Variants in VSNL1 observed in about 807,000 individuals in gnomAD.
The protein encoded by VSNL1 is visinin like 1.
In VSNL1, 6 loss-of-function variants were observed where a neutral mutation model predicts 20.4. The ratio of observed to expected loss-of-function variants is 0.29; its 90% CI spans 0.16 to 0.58. The LOEUF (loss-of-function observed/expected upper bound fraction) is 0.58, where lower values mean the gene tolerates loss of function less well. Ranked by LOEUF, VSNL1 falls within the 20% of genes least tolerant of loss-of-function variation. The probability of loss-of-function intolerance (pLI) is 0.90; values close to 1 mark genes in which losing one functional copy is unlikely to be tolerated. For missense variants in VSNL1, 100 were observed against 234.5 expected (o/e 0.43, Z 3.75); for synonymous variants, 93 against 86.4 (o/e 1.08, Z -0.42).
intron 2 of VSNL1, among the ~76,000 whole-genome samples, chr2:17,648,362 G>A (rs1666043666): frequency 6.6e-6 from 1 of 152,244 alleles, no homozygotes; most frequent in Non-Finnish European, 1.5e-5. Flanking sequence ...CCTCGAGGTA[G>A]ATAGCCCAGA....
At position 17,585,869 on chromosome 2, in the gene VSNL1, G is replaced by A. The variant is rs148666853; in HGVS notation, c.-5-6201G>A. Among the ~76,000 whole-genome samples the A allele has an allele frequency of 2.2e-3, 336 of 150,606 alleles. 1 individual carries two copies. Among genetic ancestry groups the A allele is most frequent in the African/African-American group, 8.0e-3 (328 of 40,784 alleles). ...CACCCAGGCTGGAGTACAATGGTGC[G>A]ATCTTGGCTCACTGCAACCTTCTCC... On this transcript the variant is annotated intron_variant, in intron 1 of 3. Coordinates refer to ENST00000295156, the MANE Select transcript of VSNL1 (RefSeq NM_003385.5).
intron 1 of VSNL1, among the ~76,000 whole-genome samples, chr2:17,579,523 G>C (rs1416720200): frequency 2.0e-5 from 3 of 152,152 alleles, no homozygotes; most frequent in Non-Finnish European, 2.9e-5. Flanking sequence ...TTGCAAACTG[G>C]CTCCAGGGTT....
At chr2:17,588,446 T>A (rs1664526633) in intron 1 of VSNL1, among the ~76,000 whole-genome samples, 1 of 152,124 alleles carries the variant, frequency 6.6e-6, no homozygotes, top group African/African-American at 2.4e-5. Flanking sequence ...CCAGCCTGCT[T>A]CCCCCTCATA....
At chr2:17,586,576 A>C (rs553421703) in intron 1 of VSNL1, among the ~76,000 whole-genome samples, 42 of 152,324 alleles carry the variant, frequency 2.8e-4, no homozygotes, top group African/African-American at 9.6e-4. Context: ...TGTCTCCTGC[A>C]TCCAGGTCTG....
chr2:17,643,723 G>C (rs1370363622), intron 2 of VSNL1, among the ~76,000 whole-genome samples: 2 of 152,186 alleles, frequency 1.3e-5, no homozygotes, highest in African/African-American at 2.4e-5. Context: ...ACAGTGACAT[G>C]CATGTGTGTA....
intron 1 of VSNL1, among the ~76,000 whole-genome samples, chr2:17,554,966 G>A (rs1415760944): frequency 6.6e-6 from 1 of 152,010 alleles, no homozygotes; most frequent in Non-Finnish European, 1.5e-5. Flanking sequence ...ACACTCCATC[G>A]TATATATGAA....
chr2:17,598,501 C>A (rs1364986764), intron 2 of VSNL1, among the ~76,000 whole-genome samples: 1 of 152,176 alleles, frequency 6.6e-6, no homozygotes, highest in Non-Finnish European at 1.5e-5. Flanking sequence ...GAATTAGAGA[C>A]CCAATATCTG....
At position 17,634,619 on chromosome 2, in the gene VSNL1, C is replaced by G. The variant is rs569907938; in HGVS notation, c.163-14791C>G. Among the ~76,000 whole-genome samples, 1 of 152,218 alleles carries G rather than the reference C, an allele frequency of 6.6e-6. No homozygotes were observed. Among genetic ancestry groups the G allele is most frequent in the Admixed American group, 6.5e-5 (1 of 15,286 alleles). On this transcript the variant is annotated intron_variant, in intron 2 of 3. Coordinates refer to ENST00000295156, the MANE Select transcript of VSNL1 (RefSeq NM_003385.5). This position sits in a 1 kb window ranked among gnomAD's most constrained non-coding sequence, Gnocchi z 4.3. The stretch of plus-strand genomic sequence containing the variant: ...CCTTCCCGTCCCCTGACACCCTCAT[C>G]TCTCCTCTGAGATCAGCAAAGTAAG...
At position 17,649,456 on chromosome 2, in the gene VSNL1, G is replaced by A. The variant is rs1480207000; in HGVS notation, c.209G>A (p.Arg70Gln). ...DASKFAQHAF[R>Q]TFDKNGDGTI... ...TCCAAGTTTGCCCAGCATGCCTTCC[G>A]AACCTTCGACAAGAATGGGGACGGC... Residue 70 changes from arginine to glutamine, a missense_variant, in exon 3 of 4, where the codon CGA becomes CAA. Coordinates refer to ENST00000295156, the MANE Select transcript of VSNL1 (RefSeq NM_003385.5). This position sits in a 1 kb window ranked among gnomAD's most constrained non-coding sequence, Gnocchi z 6.4. The A allele has an allele frequency of 1.2e-6, 2 of 1,614,056 alleles. No homozygotes were observed.
chr2:17,607,983 C>A (rs1300785935), intron 2 of VSNL1, among the ~76,000 whole-genome samples: 1 of 152,176 alleles, frequency 6.6e-6, no homozygotes, highest in African/African-American at 2.4e-5. Context: ...TTTCTTATGA[C>A]TACGGGAGGT....
At chr2:17,575,979 CT>C (rs1331412978) in intron 1 of VSNL1, among the ~76,000 whole-genome samples, 1 of 152,144 alleles carries the variant, frequency 6.6e-6, no homozygotes, top group Non-Finnish European at 1.5e-5. Flanking sequence ...ATTATTATAA[CT>C]TAAAAATAAA....
intron 2 of VSNL1, among the ~76,000 whole-genome samples, chr2:17,611,114 A>G (rs1665073915): frequency 6.6e-6 from 1 of 152,250 alleles, no homozygotes; most frequent in Non-Finnish European, 1.5e-5. Context: ...GCAAATGCTT[A>G]TGTAGCATTC....
intron 2 of VSNL1, among the ~76,000 whole-genome samples, chr2:17,639,390 C>T (rs1572216585): frequency 1.3e-5 from 2 of 152,158 alleles, no homozygotes; most frequent in South Asian, 4.1e-4. Flanking sequence ...ATTGGGTGTG[C>T]CTCTCTCTGC....
intron 2 of VSNL1, among the ~76,000 whole-genome samples, chr2:17,595,994 G>C (rs1440737172): frequency 2.0e-5 from 3 of 152,028 alleles, no homozygotes; most frequent in African/African-American, 7.3e-5. Context: ...CTTTCCCTTT[G>C]ATGGGCACTA....
At chr2:17,610,671 T>TAGTC (rs753719517) in intron 2 of VSNL1, among the ~76,000 whole-genome samples, 1 of 152,192 alleles carries the variant, frequency 6.6e-6, no homozygotes, top group Non-Finnish European at 1.5e-5. Flanking sequence ...TCCTGCCCAT[T>TAGTC]AGTCAGCCTT....
intron 2 of VSNL1, among the ~76,000 whole-genome samples, chr2:17,620,530 G>A (rs931301901): frequency 3.3e-5 from 5 of 152,156 alleles, no homozygotes; most frequent in African/African-American, 9.7e-5. Context: ...TGGGGGACTC[G>A]AGCTGCCTCC....
Position 17,592,031 on chromosome 2 carries a change from C to T in VSNL1, c.-5-39C>T, listed in dbSNP as rs1664602794. On this transcript the variant is annotated intron_variant, in intron 1 of 3. Transcript: ENST00000295156. ...CTCCTAACCAAGTTTGAAATGATCA[C>T]AGCCACAGCGCTAATTGAATTAATT... 2.5e-6 allele frequency: 4 copies of T among 1,611,570 alleles called. No individual in the cohort carries two copies. In the East Asian group the frequency reaches 8.9e-5, roughly 36 times the overall value.
chr2:17,547,869 C>G (rs1558277901), intron 1 of VSNL1, among the ~76,000 whole-genome samples: 1 of 152,050 alleles, frequency 6.6e-6, no homozygotes. Flanking sequence ...AGCTAAATAA[C>G]ACGTTTCCCT....
At chr2:17,637,757 C>T (rs1167982306) in intron 2 of VSNL1, among the ~76,000 whole-genome samples, 4 of 152,218 alleles carry the variant, frequency 2.6e-5, no homozygotes, top group Non-Finnish European at 5.9e-5. Context: ...CTGCTCTGGC[C>T]CACACCAGTG....
Sources: allele counts gnomAD v4.1 joint callset (sites outside exome capture counted in the v4.1 genomes callset), GRCh38; gene constraint gnomAD v4.1.1; non-coding constraint Gnocchi (gnomAD v3.1); transcripts MANE v1.5; gene names NCBI Gene and HGNC (gene_info 2026-07-23, HGNC 2026-07-21).